The following PHF3 variants were observed in gnomAD, a reference collection of about 807,000 sequenced individuals.
PHF3 encodes PHD finger protein 3.
In PHF3, 41 loss-of-function variants were observed where a neutral mutation model predicts 178.4. The observed-to-expected ratio is 0.23, with a 90% CI of 0.18 to 0.30. PHF3 has a LOEUF of 0.30. Ranked by LOEUF, PHF3 falls within the 10% of genes least tolerant of loss-of-function variation. The pLI, the probability that PHF3 is intolerant of heterozygous loss-of-function variation, is 1.00. For missense variants in PHF3, 2,346 were observed against 2,398.1 expected, an observed-to-expected ratio of 0.98 and a Z score of 0.45; for synonymous variants, 842 against 800.5, an observed-to-expected ratio of 1.05 and a Z score of -0.88.
chr6:63,678,490 T>A (rs907339825), intron 2 of PHF3, among the ~76,000 whole-genome samples: 1 of 152,202 alleles, frequency 6.6e-6, no homozygotes, highest in Non-Finnish European at 1.5e-5. Flanking sequence ...GCAGGAAATT[T>A]GGAAAATAGG....
At chr6:63,687,613 T>C (rs1267054920) in intron 4 of PHF3, among the ~76,000 whole-genome samples, 1 of 152,188 alleles carries the variant, frequency 6.6e-6, no homozygotes, top group East Asian at 1.9e-4. Context: ...ATTTCTAACA[T>C]GAAACTTTGG....
chr6:63,723,790 TTATTATTA>T lies in PHF3; in HGVS notation c.*10084_*10091del, dbSNP rs1416070255. Reference sequence around the variant, plus strand: ...TATGGGTCATAAGTACACATTGGCATTATTATTATTATTATTATTATTATTATTATTAT... The same window carrying T: ...TATGGGTCATAAGTACACATTGGCATTTATTATTATTATTATTATTATTAT... On this transcript the variant is annotated 3_prime_UTR_variant, in exon 16 of 16. Transcript: ENST00000262043. 8.8e-4 allele frequency among the ~76,000 whole-genome samples: 8 copies of T among 9,120 alleles called. No individual in the cohort carries two copies. The highest frequency in any genetic ancestry group is 2.7e-3 in the Non-Finnish European group (7 of 2,636). 6.0% of individuals were successfully genotyped at this position (9,120 alleles called of 152,430 possible).
At chr6:63,657,645 G>A (rs1174998920) in intron 2 of PHF3, among the ~76,000 whole-genome samples, 2 of 152,134 alleles carry the variant, frequency 1.3e-5, no homozygotes, top group African/African-American at 4.8e-5. Context: ...GGGGCTAGTG[G>A]CTAGTCTTGC....
rs982193371 is a variant in PHF3, at chr6:63,716,823, C to T, written c.*3115C>T. Among the ~76,000 whole-genome samples, 5 of 151,986 alleles carry T rather than the reference C, an allele frequency of 3.3e-5. No individual in the cohort carries two copies. The highest frequency in any genetic ancestry group is 1.2e-4 in the African/African-American group (5 of 41,398). The stretch of plus-strand genomic sequence containing the variant: ...TCCCTTCTGATTCCCTCTTCTACTA[C>T]AAAGGACCCTTGTGATTACATTGAC... On this transcript the variant is annotated 3_prime_UTR_variant, in exon 16 of 16. Transcript: ENST00000262043.
At chr6:63,639,799 C>A (rs1561933971) in intron 1 of PHF3, among the ~76,000 whole-genome samples, 2 of 152,162 alleles carry the variant, frequency 1.3e-5, no homozygotes. Flanking sequence ...GTGCCAATTA[C>A]ACGTTAGCTT....
chr6:63,717,604 C>A lies in PHF3; in HGVS notation c.*3896C>A, dbSNP rs1768229263. On this transcript the variant is annotated 3_prime_UTR_variant, in exon 16 of 16. Transcript: ENST00000262043. ...AAGTCCTTTGAAAACTTGAGTTCAC[C>A]ATGTCAAGTTTCATCTTATAGATAG... Among the ~76,000 whole-genome samples the A allele has an allele frequency of 6.6e-6, 1 of 151,958 alleles. No homozygotes were observed. The highest frequency in any genetic ancestry group is 2.4e-5 in the African/African-American group (1 of 41,392).
Position 63,715,479 on chromosome 6 carries a change from A to T in PHF3, c.*1771A>T, listed in dbSNP as rs937581813. ...ATCGTCAATAAATCTACCTTTACTGATATATCTGGTTGAGGGAATATCAGA... is the reference window on the plus strand; with the variant it reads ...ATCGTCAATAAATCTACCTTTACTGTTATATCTGGTTGAGGGAATATCAGA... On this transcript the variant is annotated 3_prime_UTR_variant, in exon 16 of 16. Coordinates refer to ENST00000262043, the MANE Select transcript of PHF3 (RefSeq NM_001370348.2). 1 of 152,160 alleles carries T rather than the reference A, an allele frequency of 6.6e-6. No homozygotes were observed. Among genetic ancestry groups the T allele is most frequent in the African/African-American group, 2.4e-5 (1 of 41,450 alleles). 9.4% of individuals were successfully genotyped at this position (152,160 alleles called of 1,614,324 possible).
intron 1 of PHF3, among the ~76,000 whole-genome samples, chr6:63,641,528 ATGTG>A (rs201250434): frequency 0.086 from 12,035 of 140,534 alleles, 504 homozygotes; most frequent in South Asian, 0.16. Flanking sequence ...TTAGGTGTGT[ATGTG>A]TGTGTGTGTG....
intron 6 of PHF3, 36 bp from the exon 7 acceptor site, chr6:63,698,187 A>G (rs1408830431): frequency 6.6e-7 from 1 of 1,513,912 alleles, no homozygotes; most frequent in South Asian, 1.2e-5. Context: ...TATTTTTAAA[A>G]GCAATGTAAT....
At chr6:63,711,108 A>C in intron 14 of PHF3, 59 bp from the exon 15 acceptor site, 4 of 1,254,342 alleles carry the variant, frequency 3.2e-6, no homozygotes, top group Non-Finnish European at 4.3e-6. Flanking sequence ...AATAGTTTTA[A>C]AACCAAGCTA....
Position 63,694,771 on chromosome 6 carries a change from A to C in PHF3, c.2680+7A>C. 7.0e-7 allele frequency: 1 copy of C among 1,430,054 alleles called. No homozygotes were observed. The highest frequency in any genetic ancestry group is 2.5e-5 in the East Asian group (1 of 39,514). The allele number at this position is 1,430,054 out of a possible 1,614,324, so 88.6% of individuals were successfully genotyped here. On this transcript the variant is annotated splice_region_variant and intron_variant, in intron 6 of 15. Transcript: ENST00000262043. ...GAAAAAGCTTCAAAACCAGGTAGTG[A>C]GATGAACAGAAAAAATTATATACTA...
At chr6:63,694,540 T>C (rs763703841) in intron 5 of PHF3, 41 bp from the exon 6 acceptor site, 5 of 1,315,004 alleles carry the variant, frequency 3.8e-6, no homozygotes, top group Non-Finnish European at 5.1e-6. Flanking sequence ...AAAGATTGTT[T>C]AGTTATTTTC....
intron 10 of PHF3, 106 bp from the exon 11 acceptor site, chr6:63,703,430 G>A: frequency 8.5e-7 from 1 of 1,170,676 alleles, no homozygotes; most frequent in Non-Finnish European, 1.2e-6. Context: ...CTTATCTATG[G>A]AACAACTGCA....
chr6:63,700,648 A>G (rs1197403346), intron 9 of PHF3, among the ~76,000 whole-genome samples, 182 bp downstream of exon 9: 1 of 152,046 alleles, frequency 6.6e-6, no homozygotes, highest in Non-Finnish European at 1.5e-5. Context: ...CAGCAGCATG[A>G]TCTCAGCTCA....
At chr6:63,699,296 C>G (rs1427330436) in intron 8 of PHF3, among the ~76,000 whole-genome samples, 2 of 152,192 alleles carry the variant, frequency 1.3e-5, no homozygotes, top group Non-Finnish European at 2.9e-5. Context: ...CATGACTGAT[C>G]TCTTGTGTGT....
chr6:63,707,272 T>C lies in PHF3; in HGVS notation c.3711+396T>C, dbSNP rs907229589. On this transcript the variant is annotated intron_variant, in intron 13 of 15. Transcript: ENST00000262043. ...TCTTCTGATTTCCCCACTGCTTATG[T>C]TTCCCCATCTTCATGACTACTGTTC... is the stretch of plus-strand genomic sequence containing the variant. 5.3e-5 allele frequency among the ~76,000 whole-genome samples: 8 copies of C among 152,244 alleles called. No homozygotes were observed. In the East Asian group the frequency reaches 1.2e-3, roughly 22 times the overall value.
intron 11 of PHF3, among the ~76,000 whole-genome samples, chr6:63,704,220 A>G (rs1008149661): frequency 6.6e-6 from 1 of 152,176 alleles, no homozygotes; most frequent in East Asian, 1.9e-4. Context: ...CAGTTACTAC[A>G]GTTGACAAAC....
rs760437850 is a variant in PHF3 at position 63,694,650 on chromosome 6, C to T, written c.2566C>T (p.Leu856Phe). 6.9e-6 allele frequency: 11 copies of T among 1,591,188 alleles called. No homozygotes were observed. In the East Asian group the frequency reaches 2.1e-4, roughly 30 times the overall value. The change falls in exon 6 of 16, where the codon CTT becomes TTT. Residue 856 changes from leucine (L) to phenylalanine (F), a missense_variant. This residue lies in a region of PHF3 where 252 missense variants were observed against 232.0 expected (regional missense o/e 1.09). Coordinates refer to ENST00000262043, the MANE Select transcript of PHF3 (RefSeq NM_001370348.2). ...AATTAAAAAATGGCAGCTAGCTCCT[C>T]TTCGTAAGATGGGACAACCAGTTTT... The part of the protein sequence containing the change: ...NEIKKWQLAP[L>F]RKMGQPVLPR...
In PHF3 at chr6:63,641,363, T is replaced by A. The variant is rs75893157; in HGVS notation, c.-25-5164T>A. ...CACCATCACTATTGCCTTGTATAACTTTTCTTGAGCGATATTAGTCTCCTG... is the reference window on the plus strand; with the variant it reads ...CACCATCACTATTGCCTTGTATAACATTTCTTGAGCGATATTAGTCTCCTG... On this transcript the variant is annotated intron_variant, in intron 1 of 15. Coordinates refer to ENST00000262043, the MANE Select transcript of PHF3 (RefSeq NM_001370348.2). 1.7e-3 allele frequency among the ~76,000 whole-genome samples: 261 copies of A among 152,222 alleles called. 12 individuals carry two copies. The East Asian group carries it at 0.044, about 25-fold the overall frequency.
Sources: allele counts gnomAD v4.1 joint callset (sites outside exome capture counted in the v4.1 genomes callset), GRCh38; gene constraint gnomAD v4.1.1; regional missense constraint gnomAD v4.1.1; transcripts MANE v1.5; gene names NCBI Gene and HGNC (gene_info 2026-07-23, HGNC 2026-07-21).